The following MCOLN2 variants were observed in gnomAD, a reference collection of about 807,000 sequenced individuals.
MCOLN2 encodes the protein mucolipin TRP cation channel 2.
A neutral mutation model predicts 67.5 loss-of-function variants in MCOLN2; 57 were observed. The observed-to-expected ratio is 0.84, with a 90% CI of 0.68 to 1.05. The LOEUF is 1.05. MCOLN2 is among the 50% of genes least tolerant of loss of function. The pLI, the probability that MCOLN2 is intolerant of heterozygous loss-of-function variation, is 0.00. For synonymous variants in MCOLN2, 246 were observed against 233.3 expected, an observed-to-expected ratio of 1.05 and a Z score of -0.50; for missense variants, 620 against 678.8, an observed-to-expected ratio of 0.91 and a Z score of 0.96.
intron 6 of MCOLN2, among the ~76,000 whole-genome samples, chr1:84,949,466 G>A (rs1182641406): frequency 2.0e-5 from 3 of 151,372 alleles, no homozygotes; most frequent in Non-Finnish European, 2.9e-5. Context: ...GTGAAACCTC[G>A]TCTCTACTAA....
chr1:84,937,971 G>A lies in MCOLN2; in HGVS notation c.1212+10C>T, dbSNP rs180830098. 2.3e-4 allele frequency: 370 copies of A among 1,608,870 alleles called. 2 individuals are homozygous for A. Among genetic ancestry groups the A allele is most frequent in the South Asian group, 7.7e-5 (7 of 90,964 alleles). ...AACTGCAGTGGCACTACCCGGTGCC[G>A]CATCCTTACATTATATGCCTGGAAA... is the stretch of plus-strand genomic sequence containing the variant. On this transcript the variant is annotated intron_variant, in intron 10 of 13. Transcript: ENST00000370608.
chr1:84,970,715 T>C lies in MCOLN2; in HGVS notation c.78-5007A>G, dbSNP rs537702515. On this transcript the variant is annotated intron_variant, in intron 1 of 13. Transcript: ENST00000370608. ...AATAAATATAAATAAAAGAATACCTTGTGAGCCATGCTCTGCTGGAGACAT... is the reference window on the plus strand; with the variant it reads ...AATAAATATAAATAAAAGAATACCTCGTGAGCCATGCTCTGCTGGAGACAT... Among the ~76,000 whole-genome samples the C allele has an allele frequency of 2.0e-5, 3 of 152,106 alleles. No homozygotes were observed. The East Asian group carries it at 5.8e-4, about 29-fold the overall frequency.
At chr1:84,990,297 CAAAAAAAAAAA>C (rs34226507) in intron 1 of MCOLN2, among the ~76,000 whole-genome samples, 8 of 34,954 alleles carry the variant, frequency 2.3e-4, no homozygotes, top group Non-Finnish European at 3.4e-4. Context: ...GACTCCATCT[CAAAAAAAAAAA>C]AAAAAAAAAA....
intron 11 of MCOLN2, among the ~76,000 whole-genome samples, chr1:84,932,526 T>C (rs746562500): frequency 4.6e-5 from 7 of 152,176 alleles, no homozygotes; most frequent in Non-Finnish European, 1.0e-4. Flanking sequence ...ATTTGTTATA[T>C]AACAGACCAT....
intron 4 of MCOLN2, among the ~76,000 whole-genome samples, chr1:84,954,692 A>G (rs192180186): frequency 1.2e-3 from 185 of 152,336 alleles, no homozygotes; most frequent in Non-Finnish European, 2.3e-3. Flanking sequence ...CTCTGAGCAC[A>G]TATTTTAGAA....
At chr1:84,991,130 T>C (rs372795568) in intron 1 of MCOLN2, among the ~76,000 whole-genome samples, 65 of 152,270 alleles carry the variant, frequency 4.3e-4, no homozygotes, top group African/African-American at 1.4e-3. Context: ...GTTATTATTA[T>C]GAGTTAAAAT....
chr1:84,969,673 C>CT (rs1228834051), intron 1 of MCOLN2, among the ~76,000 whole-genome samples: 1 of 151,980 alleles, frequency 6.6e-6, no homozygotes, highest in Non-Finnish European at 1.5e-5. Context: ...GCCTGACACA[C>CT]TCACCTCTTG....
intron 1 of MCOLN2, among the ~76,000 whole-genome samples, chr1:84,968,300 GA>G (rs1235469634): frequency 6.6e-6 from 1 of 152,194 alleles, no homozygotes; most frequent in Non-Finnish European, 1.5e-5. Context: ...GTGAGCCAGG[GA>G]ACTTCAAACT....
intron 1 of MCOLN2, chr1:84,972,111 C>G (rs929687521): frequency 6.6e-6 from 1 of 152,122 alleles, no homozygotes; most frequent in Admixed American, 6.6e-5. Context: ...AATACTGCAA[C>G]TTCCATCACA....
chr1:84,987,539 TACATAG>T, intron 1 of MCOLN2, among the ~76,000 whole-genome samples: 1 of 74,958 alleles, frequency 1.3e-5, no homozygotes, highest in Non-Finnish European at 2.7e-5. Context: ...CATCTATGTA[TACATAG>T]ATGTATACAT....
At chr1:84,993,000 G>A (rs982835924) in intron 1 of MCOLN2, among the ~76,000 whole-genome samples, 2 of 152,158 alleles carry the variant, frequency 1.3e-5, no homozygotes, top group Non-Finnish European at 2.9e-5. Context: ...TGCATGCAAC[G>A]CTGTTTGATT....
intron 6 of MCOLN2, among the ~76,000 whole-genome samples, chr1:84,952,027 C>A (rs993866851): frequency 2.0e-5 from 3 of 151,962 alleles, no homozygotes; most frequent in Non-Finnish European, 4.4e-5. Context: ...GCAGAGATTG[C>A]AGTGAGCTGA....
intron 12 of MCOLN2, among the ~76,000 whole-genome samples, chr1:84,930,607 T>C (rs1337271463): frequency 6.6e-6 from 1 of 152,118 alleles, no homozygotes; most frequent in Non-Finnish European, 1.5e-5. Context: ...GCAACTACCA[T>C]TCCCACCTGA....
intron 13 of MCOLN2, among the ~76,000 whole-genome samples, chr1:84,928,327 C>G (rs990468874): frequency 2.0e-5 from 3 of 152,144 alleles, no homozygotes; most frequent in Non-Finnish European, 4.4e-5. Flanking sequence ...CACTTTAGGG[C>G]AAATGGTCTG....
intron 1 of MCOLN2, among the ~76,000 whole-genome samples, chr1:84,982,781 C>T (rs1557662459): frequency 6.6e-6 from 1 of 152,340 alleles, no homozygotes; most frequent in East Asian, 1.9e-4. Context: ...TGACTCACTG[C>T]AACCTCCACC....
chr1:84,930,042 C>A (rs12032056), intron 12 of MCOLN2, among the ~76,000 whole-genome samples: 6,839 of 152,014 alleles, frequency 0.045, 370 homozygotes, highest in African/African-American at 0.13. Context: ...AAGGGAGGAT[C>A]GCTTGAGCCC....
chr1:84,964,353 C>T (rs905312754), intron 2 of MCOLN2, among the ~76,000 whole-genome samples: 1 of 152,014 alleles, frequency 6.6e-6, no homozygotes, highest in East Asian at 1.9e-4. Context: ...CTTTACACAC[C>T]TCTACACTGA....
intron 1 of MCOLN2, among the ~76,000 whole-genome samples, chr1:84,992,096 G>T (rs1650912899): frequency 6.6e-6 from 1 of 152,196 alleles, no homozygotes; most frequent in African/African-American, 2.4e-5. Context: ...TCATGTTGGT[G>T]AATCCCTACA....
At chr1:84,947,697 G>A (rs11800996) in intron 6 of MCOLN2, among the ~76,000 whole-genome samples, 20,439 of 152,204 alleles carry the variant, frequency 0.13, 2,905 homozygotes, top group African/African-American at 0.36. Flanking sequence ...CACACATTGC[G>A]CACTCTTCAC....
Sources: allele counts gnomAD v4.1 joint callset (sites outside exome capture counted in the v4.1 genomes callset), GRCh38; gene constraint gnomAD v4.1.1; transcripts MANE v1.5; gene names NCBI Gene and HGNC (gene_info 2026-07-23, HGNC 2026-07-21).